Variants in SLC9D1 observed in about 807,000 individuals in gnomAD.
SLC9D1 encodes solute carrier family 9 member D1.
chr13:113,535,802 CTCGCTGTCT>C, the SLC9D1 span, among the ~76,000 whole-genome samples: 1 of 151,540 alleles, frequency 6.6e-6, no homozygotes, highest in Non-Finnish European at 1.5e-5. This position sits in a 1 kb window ranked among gnomAD's most constrained non-coding sequence, Gnocchi z 4.1. Flanking sequence ...GGGGATGGCA[CTCGCTGTCT>C]TCGCTGTGTC....
the SLC9D1 span, chr13:113,549,336 C>G: frequency 6.9e-7 from 1 of 1,456,300 alleles, no homozygotes; most frequent in South Asian, 1.2e-5. Context: ...GGCGTCCCTC[C>G]CAGCTCAGTG....
the SLC9D1 span, chr13:113,534,126 T>C: frequency 6.2e-7 from 1 of 1,613,256 alleles, no homozygotes; most frequent in African/African-American, 1.3e-5. Context: ...TTTTATGTCT[T>C]GTTATAAAGA....
At chr13:113,512,239 G>A in the SLC9D1 span, among the ~76,000 whole-genome samples, 2 of 143,660 alleles carry the variant, frequency 1.4e-5, no homozygotes, top group Admixed American at 6.8e-5. Context: ...AGTCGCGGGG[G>A]CCGGGACTGG....
the SLC9D1 span, chr13:113,491,079 CCTCCCGGA>C: frequency 1.3e-5 from 2 of 152,040 alleles, no homozygotes; most frequent in Non-Finnish European, 2.9e-5. Context: ...GCGGCCGCTC[CCTCCCGGA>C]CTCCCGGCCT....
chr13:113,496,069 A>G, the SLC9D1 span: 1 of 1,360,266 alleles, frequency 7.4e-7, no homozygotes, highest in Non-Finnish European at 1.0e-6. Flanking sequence ...AGAGGGAGAG[A>G]GAGGTGAAGA....
At chr13:113,516,370 T>A in the SLC9D1 span, among the ~76,000 whole-genome samples, 1 of 151,992 alleles carries the variant, frequency 6.6e-6, no homozygotes, top group Non-Finnish European at 1.5e-5. Flanking sequence ...TTCAAGACCG[T>A]CCTGGCCAAC....
chr13:113,498,242 T>C, the SLC9D1 span: 176 of 893,116 alleles, frequency 2.0e-4, no homozygotes, highest in Middle Eastern at 4.9e-4. Context: ...TATTGACATA[T>C]GAACAGGGAC....
the SLC9D1 span, among the ~76,000 whole-genome samples, chr13:113,544,945 T>G: frequency 6.6e-6 from 1 of 152,246 alleles, no homozygotes; most frequent in Non-Finnish European, 1.5e-5. Flanking sequence ...CCCAGCTCCC[T>G]AATTCCTAGT....
the SLC9D1 span, among the ~76,000 whole-genome samples, chr13:113,502,795 C>T: frequency 1.1e-4 from 17 of 152,216 alleles, no homozygotes; most frequent in African/African-American, 4.1e-4. Flanking sequence ...GCCTCTTTCC[C>T]TCTGCTGCTG....
the SLC9D1 span, among the ~76,000 whole-genome samples, chr13:113,541,108 G>A: frequency 1.3e-5 from 2 of 152,160 alleles, no homozygotes; most frequent in African/African-American, 4.8e-5. Flanking sequence ...TCTGGTTGCT[G>A]TAGCCTGTGC....
chr13:113,519,105 G>A, the SLC9D1 span, among the ~76,000 whole-genome samples: 4 of 150,272 alleles, frequency 2.7e-5, no homozygotes, highest in Non-Finnish European at 4.4e-5. Flanking sequence ...GTGCAGTGGC[G>A]TGATCTCAGC....
chr13:113,494,165 C>G, the SLC9D1 span, among the ~76,000 whole-genome samples: 2 of 152,190 alleles, frequency 1.3e-5, no homozygotes, highest in African/African-American at 4.8e-5. Context: ...CCATTGGATG[C>G]TGCTATGAAG....
At chr13:113,491,742 C>G in the SLC9D1 span, among the ~76,000 whole-genome samples, 5 of 152,190 alleles carry the variant, frequency 3.3e-5, no homozygotes, top group African/African-American at 1.2e-4. Context: ...CAGGGCCGGC[C>G]GCAGAGATGC....
the SLC9D1 span, among the ~76,000 whole-genome samples, chr13:113,548,717 AAACT>A: frequency 1.3e-5 from 2 of 152,350 alleles, no homozygotes; most frequent in South Asian, 2.1e-4. Flanking sequence ...TTCTGAAAGA[AAACT>A]AACTTTTTAA....
chr13:113,504,011 A>C, the SLC9D1 span: 1 of 159,026 alleles, frequency 6.3e-6, no homozygotes, highest in East Asian at 1.8e-4. Context: ...AGAGGAAAGT[A>C]GCTGATTAAA....
chr13:113,547,249 G>A, the SLC9D1 span: 68 of 1,353,974 alleles, frequency 5.0e-5, no homozygotes, highest in South Asian at 1.2e-4. Flanking sequence ...AATAGTGTGC[G>A]CTGGGGGAGG....
At chr13:113,511,756 GT>G in the SLC9D1 span, 2 of 152,352 alleles carry the variant, frequency 1.3e-5, no homozygotes, top group African/African-American at 4.8e-5. Context: ...ACAGCTCCTA[GT>G]TTAGTGGCCC....
chr13:113,543,929 T>G, the SLC9D1 span, among the ~76,000 whole-genome samples: 1 of 152,232 alleles, frequency 6.6e-6, no homozygotes, highest in African/African-American at 2.4e-5. Context: ...TTCTGCCATC[T>G]GAGAACTTGT....
chr13:113,538,034 TG>T, the SLC9D1 span, among the ~76,000 whole-genome samples: 1 of 151,636 alleles, frequency 6.6e-6, no homozygotes, highest in Admixed American at 6.6e-5. Flanking sequence ...TGTACATGTG[TG>T]GGGTATGCTT....
Sources: gnomAD v4.1 joint callset for allele counts (sites outside exome capture counted in the v4.1 genomes callset) on GRCh38, gnomAD v4.1.1 for gene constraint, Gnocchi (gnomAD v3.1) non-coding constraint, MANE v1.5 for transcripts, NCBI Gene and HGNC (gene_info 2026-07-23, HGNC 2026-07-21) for gene names.